MYT1L: variants seen among roughly 807,000 people sequenced by gnomAD.
The protein encoded by MYT1L is myelin transcription factor 1 like.
Under a neutral mutation model 126.7 loss-of-function variants are expected in MYT1L, and 12 were observed. The observed-to-expected ratio is 0.09, with a 90% CI of 0.06 to 0.15. MYT1L has a LOEUF of 0.15. MYT1L is among the 10% of genes least tolerant of loss of function. The pLI, the probability that MYT1L is intolerant of heterozygous loss-of-function variation, is 1.00. For synonymous variants in MYT1L, 541 were observed against 604.2 expected (o/e 0.90, Z 1.53); for missense variants, 979 against 1,585.2 (o/e 0.62, Z 6.49).
intron 21 of MYT1L, chr2:1,810,074 C>T (rs2036347123): frequency 6.6e-6 from 1 of 151,948 alleles, no homozygotes; most frequent in African/African-American, 2.4e-5. Context: ...TGCTAAAGGC[C>T]AGGGGCCATC....
At chr2:2,176,493 G>A (rs1173309190) in intron 2 of MYT1L, among the ~76,000 whole-genome samples, 1 of 151,076 alleles carries the variant, frequency 6.6e-6, no homozygotes, top group Non-Finnish European at 1.5e-5. Flanking sequence ...CAATATTTAG[G>A]ACATAACTTT....
At chr2:2,164,651 G>A (rs1251102432) in intron 3 of MYT1L, among the ~76,000 whole-genome samples, 1 of 152,160 alleles carries the variant, frequency 6.6e-6, no homozygotes, top group East Asian at 1.9e-4. Flanking sequence ...TTCTGTGTGG[G>A]AATGAATGAG....
At chr2:1,945,768 T>A (rs2057154121) in intron 8 of MYT1L, among the ~76,000 whole-genome samples, 1 of 152,218 alleles carries the variant, frequency 6.6e-6, no homozygotes, top group African/African-American at 2.4e-5. Flanking sequence ...AAGAAACTTT[T>A]GCTATTTTTT....
chr2:1,899,478 G>T (rs1423315336), intron 14 of MYT1L, among the ~76,000 whole-genome samples: 2 of 152,234 alleles, frequency 1.3e-5, no homozygotes, highest in East Asian at 3.9e-4. Context: ...GCAGGGCCCA[G>T]ACACCCAAGT....
chr2:2,052,476 G>A (rs561195788), intron 4 of MYT1L, among the ~76,000 whole-genome samples: 1 of 152,172 alleles, frequency 6.6e-6, no homozygotes, highest in East Asian at 1.9e-4. Context: ...GTGTGTCAAG[G>A]GACACTACCA....
At chr2:1,951,077 T>C (rs2057710686) in intron 8 of MYT1L, among the ~76,000 whole-genome samples, 1 of 152,042 alleles carries the variant, frequency 6.6e-6, no homozygotes, top group African/African-American at 2.4e-5. Context: ...GGCTTGGTTT[T>C]GGTTGGGAAC....
chr2:2,108,036 A>G (rs998884771), intron 3 of MYT1L, among the ~76,000 whole-genome samples: 4 of 152,182 alleles, frequency 2.6e-5, no homozygotes, highest in African/African-American at 9.7e-5. Context: ...TACCTGAGCA[A>G]TGAAATTTAT....
chr2:1,829,608 C>T lies in MYT1L; in HGVS notation c.3080+9541G>A, dbSNP rs79650162. 5.4e-3 allele frequency among the ~76,000 whole-genome samples: 482 copies of T among 89,052 alleles called. 5 individuals are homozygous for T. Among genetic ancestry groups the T allele is most frequent in the African/African-American group, 0.02 (254 of 12,614 alleles). The allele number at this position is 89,052 out of a possible 152,430, so 58.4% of individuals were successfully genotyped here. A position where few individuals can be genotyped will look rare whatever the true frequency, so the allele number is the denominator to read the frequency against. On this transcript the variant is annotated intron_variant, in intron 21 of 24. Transcript: ENST00000647738. ...ATTGACCCTCCCATGCACCTGTGAACTGACCCTCCCATACACCTGTGAACT... is the reference window on the plus strand; with the variant it reads ...ATTGACCCTCCCATGCACCTGTGAATTGACCCTCCCATACACCTGTGAACT...
At chr2:1,904,886 CG>C (rs1319816620) in intron 13 of MYT1L, among the ~76,000 whole-genome samples, 1 of 150,858 alleles carries the variant, frequency 6.6e-6, no homozygotes, top group Non-Finnish European at 1.5e-5. Context: ...CTCTGCCTCC[CG>C]GGTTTACACC....
chr2:2,142,135 G>C (rs1575454238), intron 3 of MYT1L, among the ~76,000 whole-genome samples: 1 of 152,176 alleles, frequency 6.6e-6, no homozygotes, highest in East Asian at 1.9e-4. Flanking sequence ...TTACACGGCT[G>C]TTGTCCCCCT....
chr2:2,023,276 G>A (rs1483888844), intron 4 of MYT1L, among the ~76,000 whole-genome samples: 1 of 152,170 alleles, frequency 6.6e-6, no homozygotes, highest in African/African-American at 2.4e-5. Flanking sequence ...AGGAGTGTTG[G>A]GCTGGACTGC....
intron 1 of MYT1L, among the ~76,000 whole-genome samples, chr2:2,314,123 A>G (rs2096022116): frequency 6.6e-6 from 1 of 152,212 alleles, no homozygotes; most frequent in Admixed American, 6.5e-5. Context: ...TCAATAAGAA[A>G]CAAAACTCCA....
At position 2,297,383 on chromosome 2, in the gene MYT1L, G is replaced by A. The variant is rs114781635; in HGVS notation, c.-520-12880C>T. ...GTGGGGTGGATGGGACACCTGCACA[G>A]GGGCGTAAGCCAGGCCCATCCCAGG... is the stretch of plus-strand genomic sequence containing the variant. On this transcript the variant is annotated intron_variant, in intron 1 of 24. Coordinates refer to ENST00000647738, the MANE Select transcript of MYT1L (RefSeq NM_001303052.2). Among the ~76,000 whole-genome samples the A allele has an allele frequency of 5.2e-3, 793 of 152,346 alleles. 7 individuals are homozygous for A. The highest frequency in any genetic ancestry group is 0.018 in the African/African-American group (740 of 41,584).
At chr2:2,289,422 G>T (rs891463151) in intron 1 of MYT1L, among the ~76,000 whole-genome samples, 1 of 151,840 alleles carries the variant, frequency 6.6e-6, no homozygotes, top group African/African-American at 2.4e-5. Flanking sequence ...ATTTTTTCAG[G>T]CCTGTCTAGT....
rs369229275 is a variant in MYT1L at position 2,318,838 on chromosome 2, CAA to C, written c.-521+12127_-521+12128del. 3.5e-3 allele frequency among the ~76,000 whole-genome samples: 540 copies of C among 152,302 alleles called. 2 individuals are homozygous for C. Among genetic ancestry groups the C allele is most frequent in the Non-Finnish European group, 5.6e-3 (384 of 68,030 alleles). On this transcript the variant is annotated intron_variant, in intron 1 of 24. Coordinates refer to ENST00000647738, the MANE Select transcript of MYT1L (RefSeq NM_001303052.2). ...ATAATCTCAGAATTCCATTTTTAAG[CAA>C]AGACATGTGGCTTTTTGATGCCTGA... is the stretch of plus-strand genomic sequence containing the variant.
chr2:1,791,419 T>C lies in MYT1L; in HGVS notation c.*448A>G. On this transcript the variant is annotated 3_prime_UTR_variant, in exon 25 of 25. Transcript: ENST00000647738. This position sits in a 1 kb window ranked among gnomAD's most constrained non-coding sequence, Gnocchi z 6.0. ...CAACATGAGGCAAAATGATAACGTC[T>C]AAAAAGCGGCTGCTCAGCCACAACA... 2.6e-6 allele frequency: 1 copy of C among 377,936 alleles called. No individual in the cohort carries two copies. The allele number at this position is 377,936 out of a possible 1,614,324, so 23.4% of individuals were successfully genotyped here. A position where few individuals can be genotyped will look rare whatever the true frequency, so the allele number is the denominator to read the frequency against.
At chr2:2,172,524 C>G (rs569758006) in intron 3 of MYT1L, among the ~76,000 whole-genome samples, 1 of 152,368 alleles carries the variant, frequency 6.6e-6, no homozygotes, top group Non-Finnish European at 1.5e-5. Context: ...CCATGAAGCA[C>G]CAGGCAGCTA....
chr2:1,988,758 A>C (rs1484680149), intron 5 of MYT1L, among the ~76,000 whole-genome samples: 7 of 152,192 alleles, frequency 4.6e-5, no homozygotes, highest in Non-Finnish European at 7.3e-5. Flanking sequence ...CCAACTCCTG[A>C]GCTCAAGTGA....
chr2:1,996,122 G>A (rs990640975), intron 5 of MYT1L, among the ~76,000 whole-genome samples: 1 of 152,254 alleles, frequency 6.6e-6, no homozygotes, highest in Non-Finnish European at 1.5e-5. Context: ...GACCACATAA[G>A]GAAGTGGTTT....
Sources: gnomAD v4.1 joint callset for allele counts (sites outside exome capture counted in the v4.1 genomes callset) on GRCh38, gnomAD v4.1.1 for gene constraint, Gnocchi (gnomAD v3.1) non-coding constraint, MANE v1.5 for transcripts, NCBI Gene and HGNC (gene_info 2026-07-23, HGNC 2026-07-21) for gene names.